Variants in OOSP4B observed in about 807,000 individuals in gnomAD.
OOSP4B encodes the protein oocyte secreted protein family member 4B, also known as oocyte-secreted protein 4B.
At chr11:60,023,931 G>A in exon 2 of OOSP4B, 1 of 398,444 alleles carries the variant, frequency 2.5e-6, no homozygotes, top group Non-Finnish European at 4.4e-6. Context: ...ATGAAAATAA[G>A]GCCTTTTGAT....
intron 1 of OOSP4B, chr11:60,021,416 G>A (rs1055585734): frequency 5.3e-5 from 8 of 152,104 alleles, no homozygotes; most frequent in Non-Finnish European, 1.0e-4. Flanking sequence ...CCTGAGTCAG[G>A]CACTTACTGT....
chr11:60,021,506 G>A (rs1346820481), intron 1 of OOSP4B: 1 of 152,228 alleles, frequency 6.6e-6, no homozygotes. Flanking sequence ...TGTTTAGATT[G>A]CAGCAATGAC....
exon 5 of OOSP4B, chr11:60,031,032 T>G (rs573283534): frequency 1.7e-4 from 64 of 384,348 alleles, no homozygotes; most frequent in African/African-American, 1.2e-3. Flanking sequence ...GAGTTAATTT[T>G]AAGTGAAATT....
chr11:60,020,868 C>A (rs1854684594), intron 1 of OOSP4B, among the ~76,000 whole-genome samples: 1 of 152,232 alleles, frequency 6.6e-6, no homozygotes, highest in African/African-American at 2.4e-5. Flanking sequence ...TGAGATCTCA[C>A]CACTGCACTC....
intron 4 of OOSP4B, among the ~76,000 whole-genome samples, chr11:60,030,254 A>C (rs1242918383): frequency 6.6e-6 from 1 of 152,216 alleles, no homozygotes; most frequent in Non-Finnish European, 1.5e-5. Flanking sequence ...ATTTCATACT[A>C]ATATTTGTAG....
chr11:60,029,329 G>A (rs1225146894), intron 3 of OOSP4B, among the ~76,000 whole-genome samples: 1 of 152,158 alleles, frequency 6.6e-6, no homozygotes, highest in Non-Finnish European at 1.5e-5. Flanking sequence ...TAAAGGTGGT[G>A]AAATCCTTTT....
chr11:60,019,737 A>G (rs1009273875), intron 1 of OOSP4B, among the ~76,000 whole-genome samples: 1 of 152,188 alleles, frequency 6.6e-6, no homozygotes, highest in African/African-American at 2.4e-5. Flanking sequence ...AGCAAGATTT[A>G]TTGCAAAAAG....
At chr11:60,023,927 A>C in exon 2 of OOSP4B, 1 of 398,578 alleles carries the variant, frequency 2.5e-6, no homozygotes, top group Non-Finnish European at 4.4e-6. Flanking sequence ...CAGAATGAAA[A>C]TAAGGCCTTT....
chr11:60,025,164 T>C (rs1854735414), intron 3 of OOSP4B, among the ~76,000 whole-genome samples, 159 bp downstream of exon 3: 1 of 152,204 alleles, frequency 6.6e-6, no homozygotes, highest in South Asian at 2.1e-4. Context: ...ATGTACAGAA[T>C]TGAAGGAATT....
At chr11:60,022,891 T>C (rs1248504829) in intron 1 of OOSP4B, among the ~76,000 whole-genome samples, 1 of 152,182 alleles carries the variant, frequency 6.6e-6, no homozygotes, top group Non-Finnish European at 1.5e-5. Flanking sequence ...CCTAATCTTT[T>C]ATATAGTATT....
chr11:60,022,512 C>T (rs1854702378), intron 1 of OOSP4B, among the ~76,000 whole-genome samples: 1 of 152,100 alleles, frequency 6.6e-6, no homozygotes. Context: ...TCTAGCTGTC[C>T]CAAAAAGCAT....
At chr11:60,021,345 CA>C (rs1854688793) in intron 1 of OOSP4B, 1 of 152,138 alleles carries the variant, frequency 6.6e-6, no homozygotes, top group Non-Finnish European at 1.5e-5. Context: ...AATTACTCAC[CA>C]ACTAGCATTA....
chr11:60,020,796 G>A (rs371888803), intron 1 of OOSP4B, among the ~76,000 whole-genome samples: 2 of 152,240 alleles, frequency 1.3e-5, no homozygotes, highest in African/African-American at 4.8e-5. Flanking sequence ...TGTAGTTCCA[G>A]CTACTCCAGA....
At chr11:60,019,474 C>T (rs915060999) in intron 1 of OOSP4B, 4 of 160,426 alleles carry the variant, frequency 2.5e-5, no homozygotes, top group South Asian at 2.0e-4. Flanking sequence ...TTAAAGGTGG[C>T]GTGTCCGGAG....
chr11:60,030,049 A>T, intron 4 of OOSP4B, 120 bp downstream of exon 4: 1 of 393,938 alleles, frequency 2.5e-6, no homozygotes, highest in Non-Finnish European at 4.5e-6. Context: ...TCTGGTTTTA[A>T]TATGAACCCT....
intron 1 of OOSP4B, among the ~76,000 whole-genome samples, chr11:60,021,300 T>A (rs1854688480): frequency 6.6e-6 from 1 of 152,238 alleles, no homozygotes; most frequent in South Asian, 2.1e-4. Flanking sequence ...GTTACTGATT[T>A]GTGGACCAGA....
chr11:60,022,541 C>T (rs911393773), intron 1 of OOSP4B, among the ~76,000 whole-genome samples: 1 of 152,192 alleles, frequency 6.6e-6, no homozygotes, highest in East Asian at 1.9e-4. Context: ...TTGGTAACCT[C>T]AGGTTTCTAG....
chr11:60,028,829 C>T (rs17154445), intron 3 of OOSP4B, among the ~76,000 whole-genome samples: 3,998 of 152,204 alleles, frequency 0.026, 168 homozygotes, highest in African/African-American at 0.091. Flanking sequence ...CACGGTGGGT[C>T]CAAATGCCGG....
intron 2 of OOSP4B, 33 bp from the exon 3 acceptor site, chr11:60,024,875 G>A (rs941082617): frequency 1.2e-4 from 49 of 398,094 alleles, no homozygotes; most frequent in Middle Eastern, 6.3e-4. Flanking sequence ...AGAATTTAAT[G>A]CCTTCTAGTA....
Sources: gnomAD v4.1 joint callset for allele counts (sites outside exome capture counted in the v4.1 genomes callset) on GRCh38, gnomAD v4.1.1 for gene constraint, MANE v1.5 for transcripts, NCBI Gene and HGNC (gene_info 2026-07-23, HGNC 2026-07-21) for gene names.